SNRPD3: variants seen among roughly 807,000 people sequenced by gnomAD.
SNRPD3 encodes small nuclear ribonucleoprotein D3 polypeptide, also known as small nuclear ribonucleoprotein Sm D3.
For missense variants in SNRPD3, 73 were observed against 167.5 expected (o/e 0.44, Z 3.11); for synonymous variants, 66 against 58.4 (o/e 1.13, Z -0.59).
At position 24,566,913 on chromosome 22, in the gene SNRPD3, A is replaced by G. The variant is rs146303967; in HGVS notation, c.127-1071A>G. On this transcript the variant is annotated intron_variant, in intron 2 of 3. Transcript: ENST00000215829. ...CTTTCCTGAGTGCTGCCTTAACCCT[A>G]TTGATCTTTCCTCTATCGACAAACT... Among the ~76,000 whole-genome samples, 519 of 152,126 alleles carry G rather than the reference A, an allele frequency of 3.4e-3. 2 individuals are homozygous for G. Among genetic ancestry groups the G allele is most frequent in the Non-Finnish European group, 5.0e-3 (342 of 67,992 alleles).
intron 1 of SNRPD3, among the ~76,000 whole-genome samples, chr22:24,556,313 A>G (rs1441323770): frequency 1.3e-5 from 2 of 151,872 alleles, no homozygotes; most frequent in African/African-American, 4.8e-5. Context: ...GCTTCCAGGC[A>G]GTAATCTCGA....
At chr22:24,564,987 C>A (rs565311511) in intron 2 of SNRPD3, among the ~76,000 whole-genome samples, 1 of 151,254 alleles carries the variant, frequency 6.6e-6, no homozygotes, top group South Asian at 2.1e-4. Flanking sequence ...GGGCTCCAGC[C>A]ATCCTCCCAC....
chr22:24,566,305 T>C (rs2045196175), intron 2 of SNRPD3, among the ~76,000 whole-genome samples: 1 of 152,168 alleles, frequency 6.6e-6, no homozygotes, highest in South Asian at 2.1e-4. Context: ...AGGATCTTGC[T>C]CTGTGGCCCA....
intron 2 of SNRPD3, among the ~76,000 whole-genome samples, chr22:24,566,595 G>A (rs2045198604): frequency 6.6e-6 from 1 of 152,212 alleles, no homozygotes; most frequent in Non-Finnish European, 1.5e-5. Context: ...TCAAGCAGAG[G>A]CTGGGTGGCC....
intron 3 of SNRPD3, among the ~76,000 whole-genome samples, chr22:24,571,098 CA>C (rs1434563984): frequency 1.3e-5 from 2 of 152,050 alleles, no homozygotes; most frequent in Non-Finnish European, 2.9e-5. Context: ...GGGTTACAGA[CA>C]TGAGCCACTG....
intron 3 of SNRPD3, among the ~76,000 whole-genome samples, chr22:24,571,322 A>C (rs1169370414): frequency 6.6e-6 from 1 of 152,180 alleles, no homozygotes; most frequent in African/African-American, 2.4e-5. Context: ...TGCCCTCAGC[A>C]TGCTGCCTCC....
Position 24,557,183 on chromosome 22 carries a change from GTTTAA to G in SNRPD3, c.-18-468_-18-464del, listed in dbSNP as rs533103280. ...TTTAATTCTATTGTGTTTTAGTTAA[GTTTAA>G]TTTAAATAGCTACGTGTGTACATGA... On this transcript the variant is annotated intron_variant, in intron 1 of 3. Coordinates refer to ENST00000215829, the MANE Select transcript of SNRPD3 (RefSeq NM_004175.5). 8.1e-4 allele frequency among the ~76,000 whole-genome samples: 123 copies of G among 152,268 alleles called. 2 individuals are homozygous for G. The highest frequency in any genetic ancestry group is 2.8e-3 in the African/African-American group (117 of 41,554).
In SNRPD3 at chr22:24,557,645, C is replaced by G. The variant is rs1468537754; in HGVS notation, c.-18-12C>G. On this transcript the variant is annotated splice_polypyrimidine_tract_variant and intron_variant, in intron 1 of 3. Transcript: ENST00000215829. ...CTGAAAGATGAACTGACTGTTGTCT[C>G]TCTCATTGTAGAACTCTCTTCCTGC... is the stretch of plus-strand genomic sequence containing the variant. The G allele has an allele frequency of 1.2e-6, 2 of 1,605,192 alleles. No individual in the cohort carries two copies. The highest frequency in any genetic ancestry group is 8.5e-7 in the Non-Finnish European group (1 of 1,173,808).
chr22:24,561,064 C>CTTTTTTTTTTTTTT (rs1164120857), intron 2 of SNRPD3, among the ~76,000 whole-genome samples: 91 of 61,656 alleles, frequency 1.5e-3, no homozygotes, highest in Non-Finnish European at 1.7e-3. Flanking sequence ...TTTTTCTTTT[C>CTTTTTTTTTTTTTT]TTTTTTTTTT....
intron 3 of SNRPD3, among the ~76,000 whole-genome samples, chr22:24,570,723 T>A (rs901235011): frequency 2.0e-5 from 3 of 152,142 alleles, no homozygotes; most frequent in Non-Finnish European, 2.9e-5. Context: ...AAGCCTGTCT[T>A]CTCCTAGAAC....
intron 2 of SNRPD3, among the ~76,000 whole-genome samples, chr22:24,564,952 T>C (rs1247218215): frequency 1.3e-5 from 2 of 148,994 alleles, no homozygotes. Flanking sequence ...GTCATAATCA[T>C]AGCTCACTGC....
chr22:24,565,684 G>C (rs996183867), intron 2 of SNRPD3, among the ~76,000 whole-genome samples: 3 of 151,768 alleles, frequency 2.0e-5, no homozygotes, highest in African/African-American at 7.3e-5. Context: ...TTTTTGAGAC[G>C]GCGTCTTGCT....
rs1601561396 is a variant in SNRPD3 at position 24,556,050 on chromosome 22, G to A, written c.-40G>A. ...AGCATCTTTCGCAGCGGACCGAAGA[G>A]AAGAAAAGTAGGCCAGAGCCGGTGA... On this transcript the variant is annotated 5_prime_UTR_variant, in exon 1 of 4. Transcript: ENST00000215829. The A allele has an allele frequency of 1.6e-6, 1 of 615,840 alleles. No individual in the cohort carries two copies. Among genetic ancestry groups the A allele is most frequent in the Non-Finnish European group, 2.8e-6 (1 of 351,674 alleles). 38.1% of individuals were successfully genotyped at this position (615,840 alleles called of 1,614,324 possible).
intron 2 of SNRPD3, among the ~76,000 whole-genome samples, chr22:24,558,757 A>C (rs2045104133): frequency 6.6e-6 from 1 of 152,220 alleles, no homozygotes; most frequent in South Asian, 2.1e-4. Flanking sequence ...GTTTTGAGGA[A>C]ATCTCAGCAA....
chr22:24,570,650 T>C (rs539356677), intron 3 of SNRPD3, among the ~76,000 whole-genome samples: 3 of 151,834 alleles, frequency 2.0e-5, no homozygotes, highest in African/African-American at 7.2e-5. Flanking sequence ...GCCACTGCAC[T>C]CCAGCCTAGG....
At chr22:24,560,696 G>A (rs1282991123) in intron 2 of SNRPD3, among the ~76,000 whole-genome samples, 6 of 131,614 alleles carry the variant, frequency 4.6e-5, no homozygotes, top group African/African-American at 8.7e-5. Context: ...GATTACAGGC[G>A]TGAGCCACTG....
intron 3 of SNRPD3, among the ~76,000 whole-genome samples, chr22:24,568,822 T>C (rs2045221591): frequency 6.6e-6 from 1 of 152,240 alleles, no homozygotes; most frequent in African/African-American, 2.4e-5. Flanking sequence ...CCCAAAGTGC[T>C]GGGATTACAG....
intron 2 of SNRPD3, among the ~76,000 whole-genome samples, chr22:24,564,883 CATTTTTTT>C (rs1377545708): frequency 2.4e-5 from 3 of 127,166 alleles, no homozygotes; most frequent in Non-Finnish European, 1.7e-5. Flanking sequence ...TTGCCTTGTT[CATTTTTTT>C]TTTTTTTTTT....
chr22:24,560,444 T>C (rs2045123980), intron 2 of SNRPD3, among the ~76,000 whole-genome samples: 2 of 6,704 alleles, frequency 3.0e-4, no homozygotes, highest in Non-Finnish European at 7.9e-4. Context: ...TTTTTTTTTT[T>C]TTTTTTTTTT....
Sources: allele counts gnomAD v4.1 joint callset (sites outside exome capture counted in the v4.1 genomes callset), GRCh38; gene constraint gnomAD v4.1.1; transcripts MANE v1.5; gene names NCBI Gene and HGNC (gene_info 2026-07-23, HGNC 2026-07-21).